Variants in STK32C observed in about 807,000 individuals in gnomAD.
STK32C encodes serine/threonine kinase 32C.
Under a neutral mutation model 56.5 loss-of-function variants are expected in STK32C, and 31 were observed. The observed-to-expected ratio is 0.55, with a 90% CI of 0.41 to 0.74. The LOEUF is 0.74. Among genes scored for constraint, STK32C ranks in the 30% least tolerant of loss-of-function variants. The pLI is 0.00. For missense variants in STK32C, 544 were observed against 676.9 expected (o/e 0.80, Z 2.18); for synonymous variants, 309 against 289.4 (o/e 1.07, Z -0.69).
In STK32C at chr10:132,211,029, G is replaced by A. The variant is rs191057321; in HGVS notation, c.1252-1928C>T. 5.3e-5 allele frequency among the ~76,000 whole-genome samples: 8 copies of A among 152,292 alleles called. No individual in the cohort carries two copies. The East Asian group carries it at 5.8e-4, about 11-fold the overall frequency. ...GCCGGCAGACTCCCACGCTCTCTGC[G>A]GGCAGCCCTCTCCTCTCCATGTGGC... On this transcript the variant is annotated intron_variant, in intron 10 of 11. Coordinates refer to ENST00000298630, the MANE Select transcript of STK32C (RefSeq NM_173575.4).
At chr10:132,253,923 G>A (rs1173691919) in intron 1 of STK32C, among the ~76,000 whole-genome samples, 1 of 152,246 alleles carries the variant, frequency 6.6e-6, no homozygotes, top group Non-Finnish European at 1.5e-5. Flanking sequence ...GCACTCGGCT[G>A]AGTGGCTGGC....
intron 1 of STK32C, among the ~76,000 whole-genome samples, chr10:132,264,250 C>T (rs2064416124): frequency 6.6e-6 from 1 of 152,240 alleles, no homozygotes; most frequent in Non-Finnish European, 1.5e-5. Flanking sequence ...CTATGAATTT[C>T]ACTTCAATTA....
intron 1 of STK32C, among the ~76,000 whole-genome samples, chr10:132,292,670 G>T (rs2065605287): frequency 6.6e-6 from 1 of 152,166 alleles, no homozygotes; most frequent in South Asian, 2.1e-4. Context: ...GCCAGCCCAG[G>T]TGCTCTGAGG....
intron 8 of STK32C, among the ~76,000 whole-genome samples, chr10:132,224,047 C>T (rs542892298): frequency 1.7e-3 from 256 of 152,290 alleles, no homozygotes; most frequent in Admixed American, 5.0e-3. Flanking sequence ...CCCACCCACC[C>T]GACACCCTCC....
chr10:132,254,474 G>A (rs2064033007), intron 1 of STK32C, among the ~76,000 whole-genome samples: 2 of 150,502 alleles, frequency 1.3e-5, no homozygotes, highest in African/African-American at 4.9e-5. Flanking sequence ...GGCACAATGC[G>A]TGCACCCTCC....
At chr10:132,246,470 A>G (rs527944046) in intron 1 of STK32C, among the ~76,000 whole-genome samples, 1 of 152,332 alleles carries the variant, frequency 6.6e-6, no homozygotes, top group African/African-American at 2.4e-5. Flanking sequence ...GGGAGTCTGC[A>G]AACGGCCCCA....
intron 1 of STK32C, among the ~76,000 whole-genome samples, chr10:132,282,671 C>T (rs759140781): frequency 9.9e-5 from 15 of 152,228 alleles, no homozygotes; most frequent in Non-Finnish European, 2.2e-4. Context: ...ATAACAACGA[C>T]GACGAAGTCA....
chr10:132,280,984 C>T (rs967406306), intron 1 of STK32C, among the ~76,000 whole-genome samples: 19 of 145,672 alleles, frequency 1.3e-4, no homozygotes, highest in Non-Finnish European at 2.1e-4. Context: ...TCCATGATCA[C>T]GCCCCTGCAC....
At chr10:132,294,630 C>A (rs1479816836) in intron 1 of STK32C, among the ~76,000 whole-genome samples, 1 of 152,184 alleles carries the variant, frequency 6.6e-6, no homozygotes, top group Non-Finnish European at 1.5e-5. Flanking sequence ...ACTCTTAGCC[C>A]CTCGGGAGCT....
chr10:132,322,818 T>G (rs988610877), downstream of STK32C, among the ~76,000 whole-genome samples: 7 of 152,230 alleles, frequency 4.6e-5, no homozygotes, highest in African/African-American at 1.7e-4. Context: ...GTGGAGGTCG[T>G]GGTTCTCTGC....
rs920676722 is a variant in STK32C, at chr10:132,227,877, G to T, written c.470+100C>A. The T allele has an allele frequency of 1.0e-5, 15 of 1,456,710 alleles. No homozygotes were observed. In the African/African-American group the frequency reaches 2.0e-4, roughly 19 times the overall value. The allele number at this position is 1,456,710 out of a possible 1,614,324, so 90.2% of individuals were successfully genotyped here. On this transcript the variant is annotated intron_variant, in intron 3 of 11. Transcript: ENST00000298630. ...TGTGGGTGGCAGAGGCATCTCCGAG[G>T]CACGAGGGCCAAGGAGCACCAAGGG... is the stretch of plus-strand genomic sequence containing the variant.
chr10:132,260,299 G>C (rs1446326137), intron 1 of STK32C, among the ~76,000 whole-genome samples: 1 of 152,158 alleles, frequency 6.6e-6, no homozygotes, highest in Admixed American at 6.5e-5. Flanking sequence ...GTCCGGCCCG[G>C]GGTCCTCGCA....
At chr10:132,236,479 C>A (rs901064273) in intron 2 of STK32C, among the ~76,000 whole-genome samples, 20 of 152,228 alleles carry the variant, frequency 1.3e-4, no homozygotes, top group Non-Finnish European at 2.9e-4. Context: ...CTGTGTCTGC[C>A]ACGTGTGGGC....
chr10:132,307,826 C>A lies in STK32C; in HGVS notation c.8G>T (p.Ser3Ile). The A allele has an allele frequency of 2.7e-6, 3 of 1,116,758 alleles. No homozygotes were observed. Among genetic ancestry groups the A allele is most frequent in the Non-Finnish European group, 3.3e-6 (3 of 909,076 alleles). The allele number at this position is 1,116,758 out of a possible 1,614,324, so 69.2% of individuals were successfully genotyped here. Reference protein sequence around the residue: MRSGAERRGSSAA... With the variant: MRIGAERRGSSAA... ...GCTGCTGCCCCTGCGCTCGGCGCCA[C>A]TCCTCATCGCCGGGTCTGGGTGCGC... Residue 3 changes from serine (S) to isoleucine (I), a missense_variant, in exon 1 of 12, where the codon AGT becomes ATT. Coordinates refer to ENST00000298630, the MANE Select transcript of STK32C (RefSeq NM_173575.4). This position sits in a 1 kb window ranked among gnomAD's most constrained non-coding sequence, Gnocchi z 4.4.
intron 1 of STK32C, among the ~76,000 whole-genome samples, chr10:132,328,312 G>A (rs571156220): frequency 6.6e-6 from 1 of 152,176 alleles, no homozygotes; most frequent in South Asian, 2.1e-4. Context: ...GCTCCTGGGT[G>A]GGTGCCCGAA....
downstream of STK32C, among the ~76,000 whole-genome samples, chr10:132,319,150 T>C (rs527409159): frequency 1.4e-5 from 2 of 147,536 alleles, no homozygotes; most frequent in Admixed American, 6.7e-5. Context: ...GGTTTCACCA[T>C]GTTGGCCAGG....
chr10:132,331,808 C>G, exon 1 of STK32C: 1 of 1,587,972 alleles, frequency 6.3e-7, no homozygotes, highest in Non-Finnish European at 8.6e-7. Flanking sequence ...ACTTGCCCGT[C>G]GACCACCACC....
chr10:132,297,118 C>T (rs1342574416), intron 1 of STK32C, among the ~76,000 whole-genome samples: 4 of 152,238 alleles, frequency 2.6e-5, no homozygotes, highest in South Asian at 2.1e-4. Flanking sequence ...GTGACAGTCA[C>T]GGCTTAGGCC....
chr10:132,298,343 G>A (rs565787140), intron 1 of STK32C, among the ~76,000 whole-genome samples: 12 of 152,372 alleles, frequency 7.9e-5, no homozygotes, highest in African/African-American at 1.9e-4. Context: ...GTCTGTGGGC[G>A]CCCTGGGGCC....
Sources: gnomAD v4.1 joint callset for allele counts (sites outside exome capture counted in the v4.1 genomes callset) on GRCh38, gnomAD v4.1.1 for gene constraint, Gnocchi (gnomAD v3.1) non-coding constraint, MANE v1.5 for transcripts, NCBI Gene and HGNC (gene_info 2026-07-23, HGNC 2026-07-21) for gene names.